IPMK: variants seen among roughly 807,000 people sequenced by gnomAD.
The protein encoded by IPMK is inositol 1,3,4,6-tetrakisphosphate 5-kinase.
In IPMK, 17 loss-of-function variants were observed where a neutral mutation model predicts 45.8. The ratio of observed to expected loss-of-function variants is 0.37; its 90% CI spans 0.25 to 0.56. IPMK has a LOEUF of 0.56. Ranked by LOEUF, IPMK falls within the 20% of genes least tolerant of loss-of-function variation. The pLI, the probability that IPMK is intolerant of heterozygous loss-of-function variation, is 0.79. For missense variants in IPMK, 399 were observed against 498.0 expected (o/e 0.80, Z 1.89); for synonymous variants, 180 against 184.3 (o/e 0.98, Z 0.19).
intron 1 of IPMK, among the ~76,000 whole-genome samples, chr10:58,242,014 T>G (rs570954540): frequency 6.6e-6 from 1 of 152,050 alleles, no homozygotes; most frequent in South Asian, 2.1e-4. Flanking sequence ...CAAATACTGT[T>G]GGCTTCAGTT....
chr10:58,255,566 T>G (rs1028710878), intron 1 of IPMK, among the ~76,000 whole-genome samples: 2 of 152,224 alleles, frequency 1.3e-5, no homozygotes, highest in Non-Finnish European at 2.9e-5. Context: ...GGTTTCTAAT[T>G]GTATTTTTAT....
At chr10:58,244,668 C>T (rs928817621) in intron 1 of IPMK, among the ~76,000 whole-genome samples, 2 of 152,110 alleles carry the variant, frequency 1.3e-5, no homozygotes, top group African/African-American at 2.4e-5. Context: ...AAGAAGTAGA[C>T]ATAGGAGACT....
chr10:58,197,021 C>T lies in IPMK; in HGVS notation c.629-323G>A, dbSNP rs570895898. On this transcript the variant is annotated intron_variant, in intron 5 of 5. Coordinates refer to ENST00000373935, the MANE Select transcript of IPMK (RefSeq NM_152230.5). Reference sequence around the variant, plus strand: ...TTCTCTTAAGAAACAGGATTCCAGGCTGGGCACGGTGGCTCACGCCTGTAA... The same window carrying T: ...TTCTCTTAAGAAACAGGATTCCAGGTTGGGCACGGTGGCTCACGCCTGTAA... Among the ~76,000 whole-genome samples the T allele has an allele frequency of 5.9e-5, 9 of 152,326 alleles. No individual in the cohort carries two copies. In the East Asian group the frequency reaches 1.5e-3, roughly 26 times the overall value.
At chr10:58,217,688 C>CAAAAAAAAAAAAAA (rs11393849) in intron 3 of IPMK, among the ~76,000 whole-genome samples, 80 of 49,224 alleles carry the variant, frequency 1.6e-3, no homozygotes, top group Middle Eastern at 0.022. Context: ...AACTCCATCT[C>CAAAAAAAAAAAAAA]AAAAAAAAAA....
chr10:58,227,720 A>T (rs1838440770), intron 2 of IPMK, among the ~76,000 whole-genome samples: 4 of 152,136 alleles, frequency 2.6e-5, no homozygotes, highest in African/African-American at 9.7e-5. Flanking sequence ...ACTGCTGCTC[A>T]TTTAATTCCT....
chr10:58,212,703 T>C (rs1434410777), intron 4 of IPMK: 4 of 244,906 alleles, frequency 1.6e-5, no homozygotes, highest in Non-Finnish European at 3.6e-5. Flanking sequence ...CAAAAGGTTT[T>C]ACTTTTTCTG....
chr10:58,256,358 C>G (rs1013249048), intron 1 of IPMK, among the ~76,000 whole-genome samples: 1 of 152,184 alleles, frequency 6.6e-6, no homozygotes, highest in African/African-American at 2.4e-5. Context: ...GAAACACACT[C>G]TGGTCTCCTG....
intron 1 of IPMK, among the ~76,000 whole-genome samples, chr10:58,244,221 G>A (rs1319493764): frequency 6.6e-6 from 1 of 150,818 alleles, no homozygotes; most frequent in African/African-American, 2.4e-5. Context: ...CCTGGGAGGT[G>A]AGGAGCGCCT....
intron 4 of IPMK, among the ~76,000 whole-genome samples, chr10:58,209,430 C>G (rs1305741844): frequency 6.6e-6 from 1 of 152,174 alleles, no homozygotes; most frequent in Non-Finnish European, 1.5e-5. Context: ...ATTCTTTTGT[C>G]CCACAGGGTG....
At chr10:58,244,860 C>T (rs1005459106) in intron 1 of IPMK, among the ~76,000 whole-genome samples, 46 of 152,144 alleles carry the variant, frequency 3.0e-4, no homozygotes, top group Non-Finnish European at 5.4e-4. Context: ...CATTAAGAGT[C>T]ATCACCACTC....
At chr10:58,262,012 A>G (rs945130420) in intron 1 of IPMK, among the ~76,000 whole-genome samples, 3 of 152,060 alleles carry the variant, frequency 2.0e-5, no homozygotes, top group African/African-American at 7.3e-5. Context: ...CAAACACCGC[A>G]TGTTCTCACT....
chr10:58,200,308 G>A (rs911528215), intron 4 of IPMK, among the ~76,000 whole-genome samples: 1 of 151,996 alleles, frequency 6.6e-6, no homozygotes, highest in Non-Finnish European at 1.5e-5. Context: ...TAGTAGAGGT[G>A]AGGTTTCACC....
chr10:58,226,100 C>T (rs758953428), intron 3 of IPMK, among the ~76,000 whole-genome samples: 4 of 152,092 alleles, frequency 2.6e-5, no homozygotes, highest in African/African-American at 9.7e-5. Context: ...CATAAATACT[C>T]AAGGGAGCCA....
At chr10:58,253,710 A>G (rs544066895) in intron 1 of IPMK, among the ~76,000 whole-genome samples, 81 of 144,664 alleles carry the variant, frequency 5.6e-4, no homozygotes, top group African/African-American at 1.8e-3. Context: ...ATCCAGCCTG[A>G]GCGACAGAGT....
chr10:58,235,634 G>A (rs113759193), intron 2 of IPMK, among the ~76,000 whole-genome samples: 2,689 of 152,252 alleles, frequency 0.018, 87 homozygotes, highest in African/African-American at 0.059. Context: ...CTTGGACACA[G>A]GGGAACATCA....
Position 58,196,151 on chromosome 10 carries a change from G to T in IPMK, c.1176C>A (p.Ser392Arg), listed in dbSNP as rs1372837797. The stretch of plus-strand genomic sequence containing the variant: ...AAACATATCCCTCATCTATTGTGTT[G>T]CTAGGGAACACATGAGCAAAATCTA... ...RMIDFAHVFP[S>R]NTIDEGYVYG... Residue 392 changes from serine (S) to arginine (R), a missense_variant, in exon 6 of 6, where the codon AGC (serine) becomes AGA (arginine). Transcript: ENST00000373935. 6.2e-7 allele frequency: 1 copy of T among 1,613,524 alleles called. No individual in the cohort carries two copies. Among genetic ancestry groups the T allele is most frequent in the Admixed American group, 1.7e-5 (1 of 60,018 alleles).
chr10:58,265,422 A>C (rs1457495948), intron 1 of IPMK, among the ~76,000 whole-genome samples: 1 of 152,208 alleles, frequency 6.6e-6, no homozygotes, highest in Non-Finnish European at 1.5e-5. Flanking sequence ...TAAACTGTAC[A>C]TGACTTATGA....
rs565125410 is a variant in IPMK, at chr10:58,216,874, C to T, written c.374-557G>A. Among the ~76,000 whole-genome samples the T allele has an allele frequency of 1.1e-3, 171 of 152,200 alleles. 1 individual carries two copies. The highest frequency in any genetic ancestry group is 4.0e-3 in the African/African-American group (166 of 41,554). On this transcript the variant is annotated intron_variant, in intron 3 of 5. Coordinates refer to ENST00000373935, the MANE Select transcript of IPMK (RefSeq NM_152230.5). The stretch of plus-strand genomic sequence containing the variant: ...AATCTTGCTTTTTATTTTTTTGAGA[C>T]ATGGTCTTGCTTTGTTGCCTGGGCT...
At chr10:58,225,258 C>A (rs1838396246) in intron 3 of IPMK, among the ~76,000 whole-genome samples, 1 of 152,104 alleles carries the variant, frequency 6.6e-6, no homozygotes, top group African/African-American at 2.4e-5. Context: ...TAACATGCAT[C>A]TTTACAACTT....
Sources: allele counts gnomAD v4.1 joint callset (sites outside exome capture counted in the v4.1 genomes callset), GRCh38; gene constraint gnomAD v4.1.1; transcripts MANE v1.5; gene names NCBI Gene and HGNC (gene_info 2026-07-23, HGNC 2026-07-21).